Variants in CTNNA2 observed in about 807,000 individuals in gnomAD.
CTNNA2 encodes the protein catenin alpha 2.
CTNNA2 carries 42 observed loss-of-function variants against 101.0 expected under a neutral mutation model. That is an observed-to-expected ratio of 0.42 (90% CI 0.32 to 0.54). The LOEUF is 0.54. CTNNA2 is among the 20% of genes least tolerant of loss of function. The probability of loss-of-function intolerance (pLI) is 0.14; values close to 1 mark genes in which losing one functional copy is unlikely to be tolerated. For synonymous variants in CTNNA2, 450 were observed against 456.4 expected, an observed-to-expected ratio of 0.99 and a Z score of 0.18; for missense variants, 871 against 1,223.1, an observed-to-expected ratio of 0.71 and a Z score of 4.29.
At chr2:79,253,288 G>C (rs1674796924) in intron 2 of CTNNA2, among the ~76,000 whole-genome samples, 1 of 152,172 alleles carries the variant, frequency 6.6e-6, no homozygotes, top group African/African-American at 2.4e-5. Context: ...TGGAATATTT[G>C]CTGAAGTTAA....
At chr2:80,557,958 A>G (rs1693191551) in intron 12 of CTNNA2, among the ~76,000 whole-genome samples, 1 of 152,124 alleles carries the variant, frequency 6.6e-6, no homozygotes, top group Non-Finnish European at 1.5e-5. Context: ...GCTTGCAATG[A>G]TTGAGCACTC....
intron 1 of CTNNA2, among the ~76,000 whole-genome samples, chr2:79,607,531 ATAATT>A (rs1392683431): frequency 6.6e-6 from 1 of 152,166 alleles, no homozygotes; most frequent in East Asian, 1.9e-4. Context: ...TAAAATAAAA[ATAATT>A]TAAGGCATAA....
At chr2:79,434,036 G>T (rs2104512439) in intron 4 of CTNNA2, among the ~76,000 whole-genome samples, 1 of 152,286 alleles carries the variant, frequency 6.6e-6, no homozygotes, top group East Asian at 1.9e-4. Context: ...GCTCATACCT[G>T]TAATCCCAGC....
intron 3 of CTNNA2, among the ~76,000 whole-genome samples, chr2:79,808,572 A>G (rs899665082): frequency 1.3e-5 from 2 of 152,172 alleles, no homozygotes; most frequent in Admixed American, 6.5e-5. Context: ...ATGTTTATAA[A>G]GTCCGGTTTG....
intron 7 of CTNNA2, among the ~76,000 whole-genome samples, chr2:80,027,043 A>T (rs1048032727): frequency 2.0e-5 from 3 of 152,226 alleles, no homozygotes; most frequent in Non-Finnish European, 2.9e-5. Context: ...ACAAACCAGT[A>T]TGTTAATATA....
At chr2:80,098,141 C>G (rs1159830318) in intron 7 of CTNNA2, among the ~76,000 whole-genome samples, 1 of 152,150 alleles carries the variant, frequency 6.6e-6, no homozygotes. Context: ...GTGGTTTTAT[C>G]TACCTTTGGT....
chr2:80,543,580 A>T (rs1401581962), intron 9 of CTNNA2, among the ~76,000 whole-genome samples: 1 of 152,170 alleles, frequency 6.6e-6, no homozygotes, highest in Non-Finnish European at 1.5e-5. Flanking sequence ...TAATCTTTAA[A>T]AGTATTCTAT....
rs926421220 is a variant in CTNNA2 at position 79,279,993 on chromosome 2, A to G, written c.-405-32716A>G. Among the ~76,000 whole-genome samples, 65 of 152,156 alleles carry G rather than the reference A, an allele frequency of 4.3e-4. 1 individual carries two copies. The highest frequency in any genetic ancestry group is 1.5e-3 in the African/African-American group (61 of 41,508). On this transcript the variant is annotated intron_variant, in intron 2 of 21. Coordinates refer to the CTNNA2 transcript ENST00000466387. ...TCCTGAAAATGTATTCAACCTTACTAAGAATTTGGTGTTAATATTTCGCAA... is the reference window on the plus strand; with the variant it reads ...TCCTGAAAATGTATTCAACCTTACTGAGAATTTGGTGTTAATATTTCGCAA...
In CTNNA2 at chr2:79,551,476, C is replaced by T. The variant is rs79543400; in HGVS notation, c.-6+38269C>T. ...AGAGTCAAGCAAGCAGTCAAATATA[C>T]ATTTGTCTCAGGTGAGAGCAGAAGG... On this transcript the variant is annotated intron_variant, in intron 1 of 18. Transcript: ENST00000402739. Among the ~76,000 whole-genome samples the T allele has an allele frequency of 2.2e-3, 338 of 152,256 alleles. 1 individual carries two copies. The highest frequency in any genetic ancestry group is 3.8e-3 in the Non-Finnish European group (261 of 68,020).
intron 1 of CTNNA2, among the ~76,000 whole-genome samples, chr2:79,622,780 G>A (rs1573500420): frequency 2.0e-5 from 3 of 152,136 alleles, no homozygotes. Flanking sequence ...GCAGGGAGCG[G>A]CAGGATGGAG....
At chr2:79,645,654 A>G (rs993308125) in intron 1 of CTNNA2, among the ~76,000 whole-genome samples, 8 of 152,096 alleles carry the variant, frequency 5.3e-5, no homozygotes, top group African/African-American at 9.7e-5. Flanking sequence ...CCCTACCCCA[A>G]TTGGTGTCTT....
In CTNNA2 at chr2:79,596,808, C is replaced by T. The variant is rs76138860; in HGVS notation, c.-5-54744C>T. On this transcript the variant is annotated intron_variant, in intron 1 of 18. Transcript: ENST00000402739. Reference sequence around the variant, plus strand: ...TAGCTGTATGGAAAACATCTTTGACCTACAGCTAGTATCCTATGCAGAAAC... The same window carrying T: ...TAGCTGTATGGAAAACATCTTTGACTTACAGCTAGTATCCTATGCAGAAAC... Among the ~76,000 whole-genome samples the T allele has an allele frequency of 3.0e-3, 451 of 152,282 alleles. 1 individual carries two copies. The highest frequency in any genetic ancestry group is 0.01 in the African/African-American group (435 of 41,570).
chr2:79,195,777 C>T, intron 1 of CTNNA2: 4 of 504,560 alleles, frequency 7.9e-6, no homozygotes, highest in Non-Finnish European at 1.6e-5. Context: ...GTTTTATCAT[C>T]TCAGAATCCT....
intron 7 of CTNNA2, among the ~76,000 whole-genome samples, chr2:80,353,722 A>C (rs1673524031): frequency 6.6e-6 from 1 of 152,104 alleles, no homozygotes; most frequent in African/African-American, 2.4e-5. Flanking sequence ...TTTTGCACTG[A>C]GCTTTTGCCA....
chr2:80,106,034 C>A (rs1700866295), intron 7 of CTNNA2, among the ~76,000 whole-genome samples: 1 of 152,144 alleles, frequency 6.6e-6, no homozygotes, highest in African/African-American at 2.4e-5. Context: ...TATTACTTGC[C>A]ACAGGTAAGG....
intron 2 of CTNNA2, among the ~76,000 whole-genome samples, chr2:79,731,175 C>G (rs762454164): frequency 6.6e-6 from 1 of 151,844 alleles, no homozygotes; most frequent in African/African-American, 2.4e-5. Flanking sequence ...TGCCTTTACC[C>G]GCTATACTTA....
intron 7 of CTNNA2, chr2:80,305,365 G>C: frequency 1.0e-6 from 1 of 985,210 alleles, no homozygotes; most frequent in Non-Finnish European, 1.2e-6. Flanking sequence ...ATCCCTCCGG[G>C]GCTTCATCAG....
rs377456739 is a variant in CTNNA2 at position 79,934,952 on chromosome 2, T to C, written c.1056+25155T>C. On this transcript the variant is annotated intron_variant, in intron 7 of 18. Transcript: ENST00000402739. Reference sequence around the variant, plus strand: ...GAATGGATGTATAAATAGGGCTCAATAGTTATTTGGATGAGATTGCAGTTG... The same window carrying C: ...GAATGGATGTATAAATAGGGCTCAACAGTTATTTGGATGAGATTGCAGTTG... Among the ~76,000 whole-genome samples, 8 of 152,354 alleles carry C rather than the reference T, an allele frequency of 5.3e-5. No homozygotes were observed. The South Asian group carries it at 1.2e-3, about 24-fold the overall frequency.
In CTNNA2 at chr2:80,293,408, TA is replaced by T. The variant is rs544066030; in HGVS notation, c.1057-99798del. Among the ~76,000 whole-genome samples, 385 of 152,348 alleles carry T rather than the reference TA, an allele frequency of 2.5e-3. 1 individual carries two copies. The highest frequency in any genetic ancestry group is 8.9e-3 in the African/African-American group (370 of 41,582). On this transcript the variant is annotated intron_variant, in intron 7 of 18. Coordinates refer to ENST00000402739, the MANE Select transcript of CTNNA2 (RefSeq NM_001282597.3). ...GATAAATATGCTGATGGTGAACACCTAAAAATATGTGATTTTTAAAGAGGAC... is the reference window on the plus strand; with the variant it reads ...GATAAATATGCTGATGGTGAACACCTAAAATATGTGATTTTTAAAGAGGAC...
Sources: gnomAD v4.1 joint callset for allele counts (sites outside exome capture counted in the v4.1 genomes callset) on GRCh38, gnomAD v4.1.1 for gene constraint, MANE v1.5 for transcripts, NCBI Gene and HGNC (gene_info 2026-07-23, HGNC 2026-07-21) for gene names.